The following SYNE1 variants were observed in gnomAD, a reference collection of about 807,000 sequenced individuals.
SYNE1 encodes the protein nesprin-1.
In SYNE1, 616 loss-of-function variants were observed where a neutral mutation model predicts 1,111.0. The observed-to-expected ratio is 0.55, with a 90% CI of 0.52 to 0.59. SYNE1 has a LOEUF of 0.59. Among genes scored for constraint, SYNE1 ranks in the 20% least tolerant of loss-of-function variants. The pLI, the probability that SYNE1 is intolerant of heterozygous loss-of-function variation, is 0.00. For synonymous variants in SYNE1, 3,855 were observed against 3,825.8 expected (o/e 1.01, Z -0.28); for missense variants, 10,006 against 10,417.0 (o/e 0.96, Z 1.72).
At chr6:152,203,247 T>G (rs990782915) in intron 126 of SYNE1, among the ~76,000 whole-genome samples, 1 of 152,222 alleles carries the variant, frequency 6.6e-6, no homozygotes, top group Non-Finnish European at 1.5e-5. Flanking sequence ...AATTTTTTTG[T>G]AATAAAAAAG....
At chr6:152,462,997 A>G in intron 19 of SYNE1, 107 bp from the exon 20 acceptor site, 1 of 1,341,792 alleles carries the variant, frequency 7.5e-7, no homozygotes, top group Non-Finnish European at 1.1e-6. Flanking sequence ...TCCGGTAAGA[A>G]AGACTCTAAT....
In SYNE1 at chr6:152,376,516, C is replaced by T; in HGVS notation, c.9189G>A (p.Gln3063=). The T allele has an allele frequency of 6.2e-7, 1 of 1,614,110 alleles. No homozygotes were observed. Residue 3063 remains glutamine (Q), a synonymous_variant, in exon 58 of 146, where the codon CAG becomes CAA. Coordinates refer to ENST00000367255, the MANE Select transcript of SYNE1 (RefSeq NM_182961.4). The part of the protein sequence containing the change: ...QASKGCQNKE[Q]ILQQRFRKAF... Reference sequence around the variant, plus strand: ...CCTTTCGAAATCTTTGCTGTAAAATCTGTTCTTTATTCTGGCAGCCCTTGG... The same window carrying T: ...CCTTTCGAAATCTTTGCTGTAAAATTTGTTCTTTATTCTGGCAGCCCTTGG...
intron 108 of SYNE1, among the ~76,000 whole-genome samples, chr6:152,237,337 T>C (rs2084413458): frequency 6.8e-6 from 1 of 146,170 alleles, no homozygotes; most frequent in South Asian, 2.2e-4. Flanking sequence ...TTAGATAGGC[T>C]CTCACTCTGT....
In SYNE1 at chr6:152,330,247, T is replaced by A; in HGVS notation, c.14438A>T (p.Glu4813Val). ...KVNEETLPAE[E>V]KLKMYHSLAG... ...CAGGGAGTGATACATTTTGAGCTTCTCCTCTGCAGGCAGCGTTTCCTCATT... is the reference window on the plus strand; with the variant it reads ...CAGGGAGTGATACATTTTGAGCTTCACCTCTGCAGGCAGCGTTTCCTCATT... The change falls in exon 78 of 146, where the codon GAG becomes GTG. Residue 4813 changes from glutamate to valine, a missense_variant. Physicochemically the swap from Glu to Val is moderately radical, Grantham distance 121. This residue lies in a region of SYNE1 where 4,955 missense variants were observed against 5,017.2 expected (regional missense o/e 0.99). Coordinates refer to ENST00000367255, the MANE Select transcript of SYNE1 (RefSeq NM_182961.4). The A allele has an allele frequency of 6.2e-7, 1 of 1,614,186 alleles. No homozygotes were observed. The highest frequency in any genetic ancestry group is 8.5e-7 in the Non-Finnish European group (1 of 1,180,044).
chr6:152,184,116 A>C (rs2068958656), intron 128 of SYNE1, among the ~76,000 whole-genome samples: 1 of 152,242 alleles, frequency 6.6e-6, no homozygotes. Context: ...TGGTAATATT[A>C]GAGAAATAAG....
intron 22 of SYNE1, 146 bp from the exon 23 acceptor site, chr6:152,456,190 G>T: frequency 1.3e-6 from 1 of 764,674 alleles, no homozygotes. Context: ...AAGTATGGTG[G>T]AACATTTCAA....
Position 152,278,175 on chromosome 6 carries a change from C to T in SYNE1, c.18487G>A (p.Glu6163Lys), listed in dbSNP as rs750465723. 48 of 1,614,050 alleles carry T rather than the reference C, an allele frequency of 3.0e-5. 1 individual carries two copies. The South Asian group carries it at 4.8e-4, about 16-fold the overall frequency. ...EGKAHTKDEA[E>K]QLAGKLRRLK... The stretch of plus-strand genomic sequence containing the variant: ...CTTCTCAGCTTTCCAGCCAGCTGCT[C>T]GGCCTCGTCCTTGGTGTGAGCTTTG... The change falls in exon 98 of 146, where the codon GAG becomes AAG. Residue 6163 changes from glutamate to lysine, a missense_variant. By Grantham distance (56) the Glu-to-Lys change is moderately conservative. This residue lies in a region of SYNE1 where 99 missense variants were observed against 147.8 expected (regional missense o/e 0.67). Transcript: ENST00000367255.
intron 130 of SYNE1, among the ~76,000 whole-genome samples, chr6:152,173,177 A>G (rs2065619112): frequency 6.8e-6 from 1 of 147,012 alleles, no homozygotes. Flanking sequence ...TTTTGTACTC[A>G]GAGTAATCTA....
chr6:152,366,780 T>C (rs896671746), intron 62 of SYNE1, among the ~76,000 whole-genome samples: 1 of 152,176 alleles, frequency 6.6e-6, no homozygotes, highest in African/African-American at 2.4e-5. Flanking sequence ...AGTATACAAA[T>C]GAATGCAGAC....
intron 77 of SYNE1, among the ~76,000 whole-genome samples, chr6:152,333,197 T>A (rs1441446152): frequency 1.3e-5 from 2 of 152,168 alleles, no homozygotes; most frequent in Non-Finnish European, 2.9e-5. Flanking sequence ...CCAGTATGTG[T>A]GTGTGTGTTC....
At position 152,430,104 on chromosome 6, in the gene SYNE1, A is replaced by C. The variant is rs2098415059; in HGVS notation, c.4788+8T>G. Reference sequence around the variant, plus strand: ...GTAAATAGTAGAAATGTTGAAGCATACTCTTACCATATGTTCTTGAAGAAC... The same window carrying C: ...GTAAATAGTAGAAATGTTGAAGCATCCTCTTACCATATGTTCTTGAAGAAC... On this transcript the variant is annotated splice_region_variant and intron_variant, in intron 36 of 145. Coordinates refer to ENST00000367255, the MANE Select transcript of SYNE1 (RefSeq NM_182961.4). 1 of 1,556,970 alleles carries C rather than the reference A, an allele frequency of 6.4e-7. No homozygotes were observed. Among genetic ancestry groups the C allele is most frequent in the Admixed American group, 1.7e-5 (1 of 58,512 alleles).
chr6:152,353,248 A>C lies in SYNE1; in HGVS notation c.11253+15T>G, dbSNP rs2096773582. The C allele has an allele frequency of 1.9e-6, 3 of 1,614,108 alleles. No homozygotes were observed. The highest frequency in any genetic ancestry group is 2.5e-6 in the Non-Finnish European group (3 of 1,180,006). ...ACGGAAAGGTTGGATACAAATCTGA[A>C]GTATGCGTGCCTACCTCCAACGTCT... On this transcript the variant is annotated intron_variant, in intron 69 of 145. Coordinates refer to ENST00000367255, the MANE Select transcript of SYNE1 (RefSeq NM_182961.4).
At chr6:152,478,035 G>T (rs1446150559) in intron 14 of SYNE1, among the ~76,000 whole-genome samples, 2 of 152,106 alleles carry the variant, frequency 1.3e-5, no homozygotes, top group Non-Finnish European at 2.9e-5. Flanking sequence ...TCAACATGCT[G>T]GGATTATAAG....
intron 100 of SYNE1, among the ~76,000 whole-genome samples, chr6:152,263,477 A>G (rs2092323516): frequency 6.6e-6 from 1 of 152,048 alleles, no homozygotes; most frequent in Non-Finnish European, 1.5e-5. Flanking sequence ...TGTACACTCA[A>G]ACTGCTGGGC....
At chr6:152,494,317 G>A (rs1411942611) in intron 11 of SYNE1, among the ~76,000 whole-genome samples, 1 of 152,084 alleles carries the variant, frequency 6.6e-6, no homozygotes, top group Non-Finnish European at 1.5e-5. Context: ...TTCCTGGCCT[G>A]GACTTCAATC....
rs2096719205 is a variant in SYNE1 at position 152,350,339 on chromosome 6, C to T, written c.11734-4G>A. 2.5e-6 allele frequency: 4 copies of T among 1,614,132 alleles called. No homozygotes were observed. In the East Asian group the frequency reaches 6.7e-5, roughly 27 times the overall value. ...CCTCCAGACTGAAGACATGCTCCTG[C>T]AAAACCAGGTGTCCATCAGAGATGA... On this transcript the variant is annotated splice_polypyrimidine_tract_variant and splice_region_variant and intron_variant, in intron 71 of 145. Coordinates refer to ENST00000367255, the MANE Select transcript of SYNE1 (RefSeq NM_182961.4).
chr6:152,316,479 T>G (rs1589913105), intron 87 of SYNE1: 1 of 282,262 alleles, frequency 3.5e-6, no homozygotes, highest in East Asian at 9.3e-5. Context: ...CCCACCAGTC[T>G]GAGTGTGGAG....
chr6:152,326,270 A>G (rs1234856242), intron 79 of SYNE1, 26 bp downstream of exon 79: 3 of 1,613,972 alleles, frequency 1.9e-6, no homozygotes, highest in East Asian at 2.2e-5. Context: ...TCACTAAAAC[A>G]TAAAACACAA....
intron 87 of SYNE1, among the ~76,000 whole-genome samples, chr6:152,311,574 C>T (rs1300940608): frequency 2.0e-5 from 3 of 152,022 alleles, no homozygotes; most frequent in Non-Finnish European, 4.4e-5. Context: ...AGAAGGTCTC[C>T]GGGAAGAATC....
Sources: allele counts gnomAD v4.1 joint callset (sites outside exome capture counted in the v4.1 genomes callset), GRCh38; gene constraint gnomAD v4.1.1; regional missense constraint gnomAD v4.1.1; transcripts MANE v1.5; gene names NCBI Gene and HGNC (gene_info 2026-07-23, HGNC 2026-07-21).